Variants in CDH13 observed in about 807,000 individuals in gnomAD.
CDH13 encodes cadherin 13.
A neutral mutation model predicts 63.8 loss-of-function variants in CDH13; 24 were observed. The observed-to-expected ratio is 0.38, with a 90% CI of 0.27 to 0.53. CDH13 has a LOEUF of 0.53. Ranked by LOEUF, CDH13 falls within the 20% of genes least tolerant of loss-of-function variation. The probability of loss-of-function intolerance (pLI) is 0.85; values close to 1 mark genes in which losing one functional copy is unlikely to be tolerated. For synonymous variants in CDH13, 503 were observed against 355.3 expected (o/e 1.42, Z -4.67); for missense variants, 1,049 against 903.1 (o/e 1.16, Z -2.07).
At chr16:83,219,995 A>C (rs1444334017) in intron 5 of CDH13, among the ~76,000 whole-genome samples, 2 of 152,218 alleles carry the variant, frequency 1.3e-5, no homozygotes, top group East Asian at 3.9e-4. Context: ...CCCTCATTGG[A>C]AAGGGTACTG....
At chr16:83,733,343 A>T (rs1444370659) in intron 10 of CDH13, among the ~76,000 whole-genome samples, 6 of 152,136 alleles carry the variant, frequency 3.9e-5, no homozygotes, top group Admixed American at 3.9e-4. Context: ...TGAAACCCAG[A>T]TGCTTCTGTC....
intron 4 of CDH13, among the ~76,000 whole-genome samples, chr16:83,195,287 T>C (rs571986618): frequency 1.3e-5 from 2 of 152,328 alleles, no homozygotes; most frequent in South Asian, 4.1e-4. Context: ...ATAATATGTG[T>C]ATTATAGTCT....
At chr16:83,070,162 C>G (rs1464727150) in intron 3 of CDH13, among the ~76,000 whole-genome samples, 2 of 152,160 alleles carry the variant, frequency 1.3e-5, no homozygotes, top group Non-Finnish European at 2.9e-5. Context: ...AGCAACAAAT[C>G]TCAGCTTTCT....
intron 4 of CDH13, among the ~76,000 whole-genome samples, chr16:83,163,571 T>C (rs968297039): frequency 2.0e-5 from 3 of 152,080 alleles, no homozygotes; most frequent in African/African-American, 4.8e-5. Context: ...CACACAGAAA[T>C]TTCCGACTCT....
At chr16:83,002,164 GA>G (rs985208552) in intron 2 of CDH13, among the ~76,000 whole-genome samples, 5 of 152,244 alleles carry the variant, frequency 3.3e-5, no homozygotes, top group African/African-American at 1.2e-4. Context: ...ACCTTCTTTG[GA>G]AAAAGGGTCT....
At position 83,800,427 on chromosome 16, in the gene CDH13, A is replaced by T. The variant is rs889261287; in HGVS notation, c.*5397A>T. ...CCAGATAAAAATTTTAAGAAATTTTAAATGCTTTTTATTCACACACACTTT... is the reference window on the plus strand; with the variant it reads ...CCAGATAAAAATTTTAAGAAATTTTTAATGCTTTTTATTCACACACACTTT... On this transcript the variant is annotated 3_prime_UTR_variant, in exon 14 of 14. Transcript: ENST00000567109. 20 of 152,230 alleles carry T rather than the reference A, an allele frequency of 1.3e-4. No homozygotes were observed. Among genetic ancestry groups the T allele is most frequent in the African/African-American group, 4.8e-4 (20 of 41,462 alleles). The allele number at this position is 152,230 out of a possible 1,614,324, so 9.4% of individuals were successfully genotyped here.
rs988114109 is a variant in CDH13, at chr16:83,323,710, A to C, written c.637-21152A>C. On this transcript the variant is annotated intron_variant, in intron 5 of 13. Coordinates refer to ENST00000567109, the MANE Select transcript of CDH13 (RefSeq NM_001257.5). ...TGAATAAGCAGTTTTCTTCACCACT[A>C]TTCCATACAAAAAGTGACCACCATA... 1.1e-4 allele frequency among the ~76,000 whole-genome samples: 16 copies of C among 152,290 alleles called. No individual in the cohort carries two copies. In the East Asian group the frequency reaches 3.1e-3, roughly 29 times the overall value.
At chr16:83,389,518 A>C (rs1251398356) in intron 6 of CDH13, among the ~76,000 whole-genome samples, 1 of 152,164 alleles carries the variant, frequency 6.6e-6, no homozygotes, top group Non-Finnish European at 1.5e-5. Context: ...TTTTTTATAA[A>C]CAAGCACATT....
intron 5 of CDH13, among the ~76,000 whole-genome samples, chr16:83,247,358 CT>C (rs773642464): frequency 9.9e-5 from 15 of 152,118 alleles, no homozygotes; most frequent in Admixed American, 3.3e-4. Flanking sequence ...TTGCAAAGAG[CT>C]GGAAATGAGA....
At chr16:82,958,930 C>G (rs9933904) in intron 2 of CDH13, among the ~76,000 whole-genome samples, 8,537 of 152,260 alleles carry the variant, frequency 0.056, 762 homozygotes, top group African/African-American at 0.19. Context: ...AAATCTACCC[C>G]CAAGGTTTTC....
chr16:83,242,168 T>C (rs1444407689), intron 5 of CDH13, among the ~76,000 whole-genome samples: 2 of 152,228 alleles, frequency 1.3e-5, no homozygotes, highest in East Asian at 1.9e-4. Context: ...AGGTTCTCTA[T>C]TCTGTTTCAT....
intron 3 of CDH13, among the ~76,000 whole-genome samples, chr16:83,075,221 T>C (rs965580674): frequency 1.3e-5 from 2 of 152,210 alleles, no homozygotes; most frequent in Non-Finnish European, 2.9e-5. Context: ...ACTTCCCAAC[T>C]CCCTCACTTG....
chr16:83,397,578 G>A (rs1263348672), intron 6 of CDH13: 1 of 152,336 alleles, frequency 6.6e-6, no homozygotes, highest in Non-Finnish European at 1.5e-5. Flanking sequence ...AGGAGAGCGT[G>A]CTGGTGTTGA....
intron 3 of CDH13, among the ~76,000 whole-genome samples, chr16:83,100,428 G>T (rs1431020579): frequency 6.6e-6 from 1 of 152,210 alleles, no homozygotes; most frequent in Non-Finnish European, 1.5e-5. Context: ...CTGATGCTCA[G>T]AGAAGGGTGG....
intron 6 of CDH13, among the ~76,000 whole-genome samples, chr16:83,400,115 C>T (rs1447195810): frequency 6.7e-6 from 1 of 150,358 alleles, no homozygotes; most frequent in African/African-American, 2.5e-5. Context: ...CTAGATAATT[C>T]TGATGGGTTT....
chr16:83,359,480 C>T (rs1339115542), intron 6 of CDH13, among the ~76,000 whole-genome samples: 1 of 152,094 alleles, frequency 6.6e-6, no homozygotes, highest in Admixed American at 6.6e-5. Flanking sequence ...CAGCAGCTTG[C>T]AGGAGTTGGA....
At chr16:83,151,180 T>A (rs956336095) in intron 4 of CDH13, among the ~76,000 whole-genome samples, 6 of 152,158 alleles carry the variant, frequency 3.9e-5, no homozygotes, top group Non-Finnish European at 8.8e-5. Context: ...AATATCCCTG[T>A]AGGAAACTCG....
intron 1 of CDH13, among the ~76,000 whole-genome samples, chr16:82,669,783 A>G (rs568297865): frequency 1.3e-5 from 2 of 152,180 alleles, no homozygotes; most frequent in Non-Finnish European, 2.9e-5. Flanking sequence ...CTCTCCAGTG[A>G]GATATACCCC....
chr16:82,715,628 C>T (rs1388475929), intron 1 of CDH13, among the ~76,000 whole-genome samples: 2 of 152,100 alleles, frequency 1.3e-5, no homozygotes, highest in Non-Finnish European at 2.9e-5. Flanking sequence ...AATCCTTCCT[C>T]AAATACACAT....
Sources: allele counts gnomAD v4.1 joint callset (sites outside exome capture counted in the v4.1 genomes callset), GRCh38; gene constraint gnomAD v4.1.1; transcripts MANE v1.5; gene names NCBI Gene and HGNC (gene_info 2026-07-23, HGNC 2026-07-21).